The following RBMS3 variants were observed in gnomAD, a reference collection of about 807,000 sequenced individuals.
The protein encoded by RBMS3 is RNA-binding motif, single-stranded-interacting protein 3.
Under a neutral mutation model 66.8 loss-of-function variants are expected in RBMS3, and 27 were observed. The observed-to-expected ratio is 0.40, with a 90% CI of 0.30 to 0.56. The LOEUF (loss-of-function observed/expected upper bound fraction) is 0.56. RBMS3 is among the 20% of genes least tolerant of loss of function. RBMS3 has a pLI of 0.40. For synonymous variants in RBMS3, 188 were observed against 183.0 expected (o/e 1.03, Z -0.22); for missense variants, 513 against 549.5 (o/e 0.93, Z 0.66).
intron 3 of RBMS3, among the ~76,000 whole-genome samples, chr3:29,492,537 G>A (rs113099774): frequency 2.0e-4 from 31 of 152,240 alleles, no homozygotes; most frequent in South Asian, 1.5e-3. Context: ...AAGTATCTGC[G>A]GAGAAATAAT....
Position 29,348,388 on chromosome 3 carries a change from T to C in RBMS3, c.75+66632T>C, listed in dbSNP as rs557532323. ...TAATCGATGCAGGTGGGGTTGTGCA[T>C]AAAAGAAATGCTATAAAATGCTACA... On this transcript the variant is annotated intron_variant, in intron 1 of 14. Coordinates refer to ENST00000383767, the MANE Select transcript of RBMS3 (RefSeq NM_001003793.3). Among the ~76,000 whole-genome samples the C allele has an allele frequency of 2.6e-5, 4 of 152,222 alleles. No homozygotes were observed. The South Asian group carries it at 8.3e-4, about 32-fold the overall frequency.
chr3:29,919,719 G>A (rs2060720975), intron 10 of RBMS3, among the ~76,000 whole-genome samples: 2 of 152,320 alleles, frequency 1.3e-5, no homozygotes, highest in South Asian at 4.1e-4. Context: ...CATTCAAGGG[G>A]CAGGAATTCT....
chr3:29,568,546 A>C (rs879863338), intron 3 of RBMS3, among the ~76,000 whole-genome samples: 2 of 152,232 alleles, frequency 1.3e-5, no homozygotes, highest in African/African-American at 2.4e-5. Context: ...AAATGCACTT[A>C]AATTTATTCA....
At chr3:29,671,547 C>T (rs540462726) in intron 4 of RBMS3, among the ~76,000 whole-genome samples, 1 of 152,220 alleles carries the variant, frequency 6.6e-6, no homozygotes, top group African/African-American at 2.4e-5. Flanking sequence ...AAAGATTAGA[C>T]GAATGGCTAA....
At chr3:29,701,856 G>C (rs554233247) in intron 4 of RBMS3, among the ~76,000 whole-genome samples, 1 of 150,450 alleles carries the variant, frequency 6.6e-6, no homozygotes, top group African/African-American at 2.5e-5. Flanking sequence ...GAGTCTCACC[G>C]AGGAGCCCCA....
At chr3:29,511,313 TA>T (rs2044401362) in intron 3 of RBMS3, among the ~76,000 whole-genome samples, 1 of 152,156 alleles carries the variant, frequency 6.6e-6, no homozygotes, top group East Asian at 1.9e-4. Flanking sequence ...ATAAAATAAA[TA>T]AAAAAGGTTA....
intron 2 of RBMS3, among the ~76,000 whole-genome samples, chr3:29,471,718 G>GTTTTTTTTTTTTTTTTTTTTTTTTTT: frequency 1.4e-5 from 1 of 71,170 alleles, no homozygotes; most frequent in Admixed American, 1.6e-4. Context: ...TGAGGACTTA[G>GTTTTTTTTTTTTTTTTTTTTTTTTTT]TTTTTTTTTT....
At chr3:29,876,838 A>C (rs574507807) in intron 7 of RBMS3, among the ~76,000 whole-genome samples, 12 of 152,018 alleles carry the variant, frequency 7.9e-5, no homozygotes, top group Admixed American at 3.3e-4. Flanking sequence ...GGTGAAAAAA[A>C]AAAGATGTGG....
intron 6 of RBMS3, among the ~76,000 whole-genome samples, chr3:29,805,381 GTTAT>G (rs1428924474): frequency 6.6e-6 from 1 of 151,976 alleles, no homozygotes; most frequent in Non-Finnish European, 1.5e-5. Context: ...ACTTTTTATG[GTTAT>G]TTGAGAGTGT....
chr3:29,737,584 G>A (rs1345123917), intron 4 of RBMS3, among the ~76,000 whole-genome samples: 5 of 152,116 alleles, frequency 3.3e-5, no homozygotes, highest in Non-Finnish European at 7.4e-5. Context: ...TACTTTTGGA[G>A]CGACAATGTG....
In RBMS3 at chr3:29,739,706, T is replaced by TTTCC. The variant is rs775888124; in HGVS notation, c.400-9_400-6dup. ...ACTCAGAACTTACCATATTTGTTAC[T>TTTCC]TTCCTTCCCTTAGCAACAAGAGCAA... On this transcript the variant is annotated splice_polypyrimidine_tract_variant and intron_variant, in intron 4 of 14. Coordinates refer to ENST00000383767, the MANE Select transcript of RBMS3 (RefSeq NM_001003793.3). 6.4e-7 allele frequency: 1 copy of TTTCC among 1,570,804 alleles called. No individual in the cohort carries two copies. The highest frequency in any genetic ancestry group is 8.6e-7 in the Non-Finnish European group (1 of 1,161,926).
At chr3:29,385,479 TC>T (rs1156502548) in intron 1 of RBMS3, among the ~76,000 whole-genome samples, 2 of 152,154 alleles carry the variant, frequency 1.3e-5, no homozygotes, top group Non-Finnish European at 2.9e-5. Context: ...AGACACTACT[TC>T]CTCTAAGCCA....
chr3:29,845,229 G>A (rs902329401), intron 6 of RBMS3, among the ~76,000 whole-genome samples: 10 of 152,092 alleles, frequency 6.6e-5, no homozygotes, highest in African/African-American at 2.2e-4. Context: ...TTTCACCATC[G>A]CTATTATTAT....
At chr3:29,543,471 G>T (rs1055728198) in intron 3 of RBMS3, among the ~76,000 whole-genome samples, 1 of 152,188 alleles carries the variant, frequency 6.6e-6, no homozygotes, top group South Asian at 2.1e-4. Context: ...CACTTTGGGA[G>T]GCTGAAGCTG....
intron 12 of RBMS3, among the ~76,000 whole-genome samples, chr3:29,953,368 A>G (rs1006311957): frequency 1.3e-5 from 2 of 151,954 alleles, no homozygotes; most frequent in African/African-American, 2.4e-5. Flanking sequence ...TGTCCACCAC[A>G]GTCCTTGAGT....
At chr3:29,904,962 T>C (rs1422690547) in intron 10 of RBMS3, among the ~76,000 whole-genome samples, 1 of 152,094 alleles carries the variant, frequency 6.6e-6, no homozygotes, top group East Asian at 1.9e-4. Context: ...ATTTAAATAT[T>C]ATCTCAGTTG....
intron 1 of RBMS3, among the ~76,000 whole-genome samples, chr3:29,341,057 T>C (rs1343843913): frequency 6.6e-6 from 1 of 152,086 alleles, no homozygotes; most frequent in African/African-American, 2.4e-5. Flanking sequence ...AGCCAGCCAC[T>C]AGCAATAATC....
At chr3:29,357,303 G>T (rs575694935) in intron 1 of RBMS3, among the ~76,000 whole-genome samples, 32 of 152,202 alleles carry the variant, frequency 2.1e-4, no homozygotes, top group African/African-American at 7.5e-4. Context: ...GCGGTGTTTG[G>T]TTTTTTGTCC....
intron 1 of RBMS3, among the ~76,000 whole-genome samples, chr3:29,376,569 G>A (rs1007173620): frequency 2.6e-5 from 4 of 152,034 alleles, no homozygotes; most frequent in Admixed American, 2.6e-4. Flanking sequence ...TCAGGAGTTC[G>A]AGACCAGCCT....
Sources: allele counts gnomAD v4.1 joint callset (sites outside exome capture counted in the v4.1 genomes callset), GRCh38; gene constraint gnomAD v4.1.1; transcripts MANE v1.5; gene names NCBI Gene and HGNC (gene_info 2026-07-23, HGNC 2026-07-21).